Variants in NRXN3 observed in about 807,000 individuals in gnomAD.
NRXN3 encodes the protein neurexin III.
Under a neutral mutation model 137.6 loss-of-function variants are expected in NRXN3, and 32 were observed. The ratio of observed to expected loss-of-function variants is 0.23; its 90% CI spans 0.18 to 0.31. The LOEUF is 0.31. NRXN3 is among the 10% of genes least tolerant of loss of function. The probability of loss-of-function intolerance (pLI) is 1.00; values close to 1 mark genes in which losing one functional copy is unlikely to be tolerated. For missense variants in NRXN3, 1,574 were observed against 2,062.5 expected (o/e 0.76, Z 4.59); for synonymous variants, 798 against 784.5 (o/e 1.02, Z -0.29).
At chr14:79,377,060 C>G (rs1173280006) in intron 15 of NRXN3, among the ~76,000 whole-genome samples, 1 of 152,200 alleles carries the variant, frequency 6.6e-6, no homozygotes, top group Non-Finnish European at 1.5e-5. Flanking sequence ...GGCACTTACT[C>G]TGTGCCCAAC....
At chr14:79,737,016 A>G (rs920608224) in intron 19 of NRXN3, among the ~76,000 whole-genome samples, 4 of 152,232 alleles carry the variant, frequency 2.6e-5, no homozygotes, top group African/African-American at 4.8e-5. Context: ...CCTCTTAGCT[A>G]TTTGATGTAC....
At chr14:79,091,467 C>T (rs1472620865) in intron 15 of NRXN3, among the ~76,000 whole-genome samples, 1 of 152,144 alleles carries the variant, frequency 6.6e-6, no homozygotes, top group Non-Finnish European at 1.5e-5. Flanking sequence ...AGGTTTTTCC[C>T]ACCCCTTTCC....
chr14:78,594,564 C>T (rs1253139332), intron 4 of NRXN3, among the ~76,000 whole-genome samples: 3 of 152,156 alleles, frequency 2.0e-5, no homozygotes, highest in Non-Finnish European at 4.4e-5. Flanking sequence ...CGATGGCTTC[C>T]CTTTAATGAT....
chr14:79,431,173 A>G (rs2095748031), intron 15 of NRXN3, among the ~76,000 whole-genome samples: 1 of 152,182 alleles, frequency 6.6e-6, no homozygotes. Context: ...TTGCAAACAA[A>G]AGAACTGAGA....
At position 79,113,178 on chromosome 14, in the gene NRXN3, C is replaced by T. The variant is rs1054886541; in HGVS notation, c.3262+125037C>T. 1.2e-4 allele frequency among the ~76,000 whole-genome samples: 19 copies of T among 152,122 alleles called. 1 individual carries two copies. Among genetic ancestry groups the T allele is most frequent in the African/African-American group, 4.6e-4 (19 of 41,410 alleles). ...AAATAAAAAATGTCTCCAGACATTG[C>T]CAAATGTCCTCTGGAAGTCAAAAAA... On this transcript the variant is annotated intron_variant, in intron 15 of 20. Coordinates refer to ENST00000335750, the MANE Select transcript of NRXN3 (RefSeq NM_001330195.2).
At chr14:78,176,088 A>G (rs1402114694) in intron 1 of NRXN3, among the ~76,000 whole-genome samples, 3 of 152,084 alleles carry the variant, frequency 2.0e-5, no homozygotes, top group Non-Finnish European at 2.9e-5. Flanking sequence ...TTAGTGTTGG[A>G]GTTTTCTTCT....
chr14:78,198,574 G>A (rs1595833987), intron 1 of NRXN3, among the ~76,000 whole-genome samples: 1 of 152,206 alleles, frequency 6.6e-6, no homozygotes, highest in Non-Finnish European at 1.5e-5. Context: ...TAAAGGAAAG[G>A]AAAGAGAAAA....
intron 10 of NRXN3, among the ~76,000 whole-genome samples, chr14:78,943,464 ACT>A (rs1003719170): frequency 6.0e-5 from 9 of 150,674 alleles, no homozygotes; most frequent in Non-Finnish European, 1.3e-4. Flanking sequence ...CTGGTGGGAC[ACT>A]CTAAAATGTC....
intron 4 of NRXN3, among the ~76,000 whole-genome samples, chr14:78,403,431 A>T (rs1300217054): frequency 4.6e-5 from 7 of 152,192 alleles, no homozygotes; most frequent in Non-Finnish European, 7.4e-5. Context: ...TCTTAGGTCC[A>T]TGTGACTTCC....
At chr14:78,289,908 A>G (rs1224385044) in intron 3 of NRXN3, among the ~76,000 whole-genome samples, 2 of 152,292 alleles carry the variant, frequency 1.3e-5, no homozygotes, top group Admixed American at 1.3e-4. Context: ...GTGAGACTCC[A>G]TCTCAAAAAG....
intron 16 of NRXN3, among the ~76,000 whole-genome samples, chr14:79,574,048 G>T (rs2097640923): frequency 6.6e-6 from 1 of 151,810 alleles, no homozygotes; most frequent in South Asian, 2.1e-4. Context: ...TTATATTAAG[G>T]AAAAACATAA....
chr14:78,890,535 C>T (rs1371923908), intron 10 of NRXN3, among the ~76,000 whole-genome samples: 2 of 151,758 alleles, frequency 1.3e-5, no homozygotes, highest in Non-Finnish European at 2.9e-5. Context: ...AATATATCTT[C>T]CTGCCCACAC....
intron 15 of NRXN3, among the ~76,000 whole-genome samples, chr14:79,424,171 A>C (rs1188578998): frequency 1.3e-5 from 2 of 152,238 alleles, no homozygotes; most frequent in African/African-American, 2.4e-5. Flanking sequence ...TTTAAAACAC[A>C]GACACACATA....
intron 16 of NRXN3, among the ~76,000 whole-genome samples, chr14:79,505,231 A>T (rs1182554392): frequency 6.6e-6 from 1 of 150,720 alleles, no homozygotes; most frequent in Admixed American, 6.6e-5. Context: ...AAAAAAAAAA[A>T]GGTGTGAAAA....
chr14:79,305,600 A>G (rs1364123641), intron 15 of NRXN3, among the ~76,000 whole-genome samples: 1 of 152,102 alleles, frequency 6.6e-6, no homozygotes, highest in Non-Finnish European at 1.5e-5. Context: ...TCAGGACAGA[A>G]TGAGGGCTAG....
chr14:78,863,639 A>G lies in NRXN3; in HGVS notation c.2275+53295A>G, dbSNP rs570249676. Among the ~76,000 whole-genome samples the G allele has an allele frequency of 1.6e-3, 245 of 152,276 alleles. 1 individual carries two copies. Among genetic ancestry groups the G allele is most frequent in the Middle Eastern group, 6.8e-3 (2 of 294 alleles). ...GACTCTCAATTTTGTTTCTTGAAGC[A>G]ATGAGATCATTGATTTGATCTCTAA... On this transcript the variant is annotated intron_variant, in intron 10 of 20. Coordinates refer to ENST00000335750, the MANE Select transcript of NRXN3 (RefSeq NM_001330195.2).
At chr14:78,341,516 T>A (rs555606221) in intron 4 of NRXN3, among the ~76,000 whole-genome samples, 1 of 152,262 alleles carries the variant, frequency 6.6e-6, no homozygotes, top group East Asian at 1.9e-4. Context: ...ATGTAAAAAA[T>A]GAGCGTGACT....
At chr14:79,384,069 T>C (rs73327712) in intron 15 of NRXN3, among the ~76,000 whole-genome samples, 2,218 of 152,076 alleles carry the variant, frequency 0.015, 55 homozygotes, top group African/African-American at 0.051. Context: ...TTCTTAGAGG[T>C]TTTTGCAAGC....
intron 15 of NRXN3, among the ~76,000 whole-genome samples, chr14:79,403,057 T>TG (rs1599773099): frequency 1.3e-5 from 2 of 152,272 alleles, no homozygotes; most frequent in East Asian, 1.9e-4. Flanking sequence ...TTGTTTCTTT[T>TG]GGGGGGTGAA....
Sources: allele counts gnomAD v4.1 joint callset (sites outside exome capture counted in the v4.1 genomes callset), GRCh38; gene constraint gnomAD v4.1.1; transcripts MANE v1.5; gene names NCBI Gene and HGNC (gene_info 2026-07-23, HGNC 2026-07-21).